The following CENPP variants were observed in gnomAD, a reference collection of about 807,000 sequenced individuals.
CENPP encodes centromere protein P.
A neutral mutation model predicts 35.6 loss-of-function variants in CENPP; 24 were observed. That is an observed-to-expected ratio of 0.67 (90% CI 0.49 to 0.95). CENPP has a LOEUF of 0.95. CENPP is among the 40% of genes least tolerant of loss of function. The pLI, the probability that CENPP is intolerant of heterozygous loss-of-function variation, is 0.00. For missense variants in CENPP, 332 were observed against 345.3 expected (o/e 0.96, Z 0.31); for synonymous variants, 120 against 125.5 (o/e 0.96, Z 0.29).
Position 92,352,395 on chromosome 9 carries a change from C to T in CENPP, c.467+6608C>T, listed in dbSNP as rs193040860. 2.1e-3 allele frequency among the ~76,000 whole-genome samples: 306 copies of T among 146,948 alleles called. 1 individual carries two copies. The highest frequency in any genetic ancestry group is 7.2e-3 in the African/African-American group (280 of 39,074). On this transcript the variant is annotated intron_variant, in intron 4 of 7. Coordinates refer to ENST00000375587, the MANE Select transcript of CENPP (RefSeq NM_001012267.3). ...AAAACAAAACCAAAACCAAAAAAAA[C>T]TAAGATAGTTCTGTGAATCTGTCCC...
intron 5 of CENPP, among the ~76,000 whole-genome samples, chr9:92,454,706 A>T (rs950250388): frequency 1.3e-5 from 2 of 152,068 alleles, no homozygotes; most frequent in African/African-American, 4.8e-5. Flanking sequence ...TTTATTCTTC[A>T]TAGCAACCTT....
At chr9:92,458,417 T>A (rs1330020774) in intron 5 of CENPP, among the ~76,000 whole-genome samples, 1 of 152,220 alleles carries the variant, frequency 6.6e-6, no homozygotes, top group Non-Finnish European at 1.5e-5. Context: ...AAGACTGATA[T>A]GAGACCAATC....
chr9:92,515,527 A>C (rs186866948), intron 5 of CENPP, among the ~76,000 whole-genome samples: 1 of 152,342 alleles, frequency 6.6e-6, no homozygotes, highest in Admixed American at 6.5e-5. Context: ...CAAAATGGTA[A>C]GCAATCCTGT....
intron 5 of CENPP, among the ~76,000 whole-genome samples, chr9:92,412,766 G>A (rs551829810): frequency 1.6e-4 from 25 of 152,210 alleles, no homozygotes; most frequent in Non-Finnish European, 2.5e-4. Flanking sequence ...GGACATTTGC[G>A]TGGTTTCTAC....
intron 5 of CENPP, among the ~76,000 whole-genome samples, chr9:92,558,680 G>A (rs1276964707): frequency 1.3e-5 from 2 of 152,162 alleles, no homozygotes; most frequent in African/African-American, 4.8e-5. Flanking sequence ...GGGACCAGCA[G>A]TAGGCGGGGT....
At position 92,594,981 on chromosome 9, in the gene CENPP, C is replaced by A. The variant is rs541857738; in HGVS notation, c.565-16333C>A. 2.9e-3 allele frequency among the ~76,000 whole-genome samples: 426 copies of A among 146,950 alleles called. 2 individuals carry two copies. The highest frequency in any genetic ancestry group is 0.01 in the African/African-American group (401 of 40,032). On this transcript the variant is annotated intron_variant, in intron 5 of 7. Coordinates refer to ENST00000375587, the MANE Select transcript of CENPP (RefSeq NM_001012267.3). ...ACGTGATCTTGGCTCACTGCAACCT[C>A]CGCCTCCCAGGTTCAAGCAATTCTC...
At position 92,615,824 on chromosome 9, in the gene CENPP, G is replaced by A; in HGVS notation, c.*2675G>A. 1.3e-6 allele frequency: 2 copies of A among 1,595,462 alleles called. No homozygotes were observed. The highest frequency in any genetic ancestry group is 1.7e-6 in the Non-Finnish European group (2 of 1,163,150). ...TGTTCAAGTTTCAAAGACACTGCAG[G>A]GAAAGAGTTAGACCTTGTGGAGAAC... On this transcript the variant is annotated 3_prime_UTR_variant, in exon 8 of 8. Transcript: ENST00000375587.
At chr9:92,536,931 G>A (rs979874840) in intron 5 of CENPP, among the ~76,000 whole-genome samples, 2 of 147,446 alleles carry the variant, frequency 1.4e-5, no homozygotes, top group African/African-American at 2.5e-5. Flanking sequence ...GTGCAATGTC[G>A]TGATCTCAGC....
intron 4 of CENPP, among the ~76,000 whole-genome samples, chr9:92,364,233 A>G (rs750234109): frequency 3.3e-5 from 5 of 151,098 alleles, no homozygotes; most frequent in Non-Finnish European, 4.4e-5. Context: ...GGGTCTCACT[A>G]TGTGACCCAG....
At chr9:92,503,133 C>T (rs887816747) in intron 5 of CENPP, among the ~76,000 whole-genome samples, 2 of 152,054 alleles carry the variant, frequency 1.3e-5, no homozygotes, top group African/African-American at 4.8e-5. Context: ...AACACACTGC[C>T]ATGGTTATGG....
At chr9:92,425,829 T>G (rs1843951026) in intron 5 of CENPP, among the ~76,000 whole-genome samples, 1 of 152,230 alleles carries the variant, frequency 6.6e-6, no homozygotes, top group African/African-American at 2.4e-5. Context: ...GTTAGTGTCT[T>G]TGTTCTTAAA....
intron 4 of CENPP, among the ~76,000 whole-genome samples, chr9:92,365,568 G>A (rs918236424): frequency 6.6e-6 from 1 of 151,468 alleles, no homozygotes; most frequent in Non-Finnish European, 1.5e-5. Context: ...CCACCACCAC[G>A]CCCTGCTAAT....
At chr9:92,403,541 C>G in intron 5 of CENPP, 3 of 1,398,804 alleles carry the variant, frequency 2.1e-6, no homozygotes, top group Non-Finnish European at 2.8e-6. Flanking sequence ...GATGTTTTGG[C>G]AGGGTGTGCG....
chr9:92,560,504 T>C (rs1849823940), intron 5 of CENPP, among the ~76,000 whole-genome samples: 1 of 152,220 alleles, frequency 6.6e-6, no homozygotes, highest in African/African-American at 2.4e-5. Context: ...TGTTCAGTGG[T>C]GGACAGCGAC....
chr9:92,503,113 A>G (rs2131160612), intron 5 of CENPP, among the ~76,000 whole-genome samples: 1 of 152,336 alleles, frequency 6.6e-6, no homozygotes, highest in Middle Eastern at 3.4e-3. Context: ...ATAACTAATT[A>G]GTAAAATAAA....
chr9:92,563,202 T>C (rs946332816), intron 5 of CENPP, among the ~76,000 whole-genome samples: 1 of 152,222 alleles, frequency 6.6e-6, no homozygotes, highest in Non-Finnish European at 1.5e-5. Context: ...CACTTTTTGG[T>C]AGCCTGCTCT....
chr9:92,514,274 CT>C (rs1044226766), intron 5 of CENPP, among the ~76,000 whole-genome samples: 153 of 130,740 alleles, frequency 1.2e-3, no homozygotes, highest in Middle Eastern at 3.8e-3. Context: ...GAGTCATTTA[CT>C]TTTTTTTTTT....
At chr9:92,557,934 C>T (rs1036215649) in intron 5 of CENPP, among the ~76,000 whole-genome samples, 2 of 152,262 alleles carry the variant, frequency 1.3e-5, no homozygotes, top group South Asian at 2.1e-4. Context: ...TGAGCCACCG[C>T]GCCTGGCCTG....
At chr9:92,398,708 T>C (rs1325700547) in intron 5 of CENPP, among the ~76,000 whole-genome samples, 1 of 152,246 alleles carries the variant, frequency 6.6e-6, no homozygotes, top group African/African-American at 2.4e-5. Flanking sequence ...TCTGATATTT[T>C]GCAATTGCAT....
Sources: allele counts gnomAD v4.1 joint callset (sites outside exome capture counted in the v4.1 genomes callset), GRCh38; gene constraint gnomAD v4.1.1; transcripts MANE v1.5; gene names NCBI Gene and HGNC (gene_info 2026-07-23, HGNC 2026-07-21).